SGCZ: variants seen among roughly 807,000 people sequenced by gnomAD.
The protein encoded by SGCZ is sarcoglycan zeta.
SGCZ carries 40 observed loss-of-function variants against 41.3 expected under a neutral mutation model. The ratio of observed to expected loss-of-function variants is 0.97; its 90% CI spans 0.75 to 1.26. The LOEUF (loss-of-function observed/expected upper bound fraction) is 1.26, where lower values mean the gene tolerates loss of function less well. Among genes scored for constraint, SGCZ ranks in the 50% most tolerant of loss-of-function variants. The pLI is 0.00. For missense variants in SGCZ, 552 were observed against 369.8 expected (o/e 1.49, Z -4.04); for synonymous variants, 206 against 137.5 (o/e 1.50, Z -3.49).
chr8:14,994,652 G>C (rs563800986), intron 1 of SGCZ, among the ~76,000 whole-genome samples: 1 of 145,208 alleles, frequency 6.9e-6, no homozygotes, highest in Non-Finnish European at 1.5e-5. Context: ...GATTAGGGGC[G>C]TGTGTGTATG....
At chr8:15,235,039 A>G (rs1802077452) in intron 1 of SGCZ, among the ~76,000 whole-genome samples, 2 of 152,198 alleles carry the variant, frequency 1.3e-5, no homozygotes, top group South Asian at 4.1e-4. Flanking sequence ...ATGATAAGAA[A>G]AGTCAAAACA....
chr8:14,265,662 C>T (rs1447616268), intron 3 of SGCZ, among the ~76,000 whole-genome samples: 1 of 151,548 alleles, frequency 6.6e-6, no homozygotes, highest in African/African-American at 2.4e-5. Context: ...GCAAACTGCA[C>T]CCTTTGTTTC....
intron 1 of SGCZ, among the ~76,000 whole-genome samples, chr8:14,876,640 A>T (rs1804367030): frequency 6.6e-6 from 1 of 152,218 alleles, no homozygotes; most frequent in Non-Finnish European, 1.5e-5. Context: ...AGGGTCACTT[A>T]AAGTAACTTT....
intron 1 of SGCZ, among the ~76,000 whole-genome samples, chr8:14,654,592 GAC>G (rs1019317157): frequency 6.6e-6 from 1 of 151,880 alleles, no homozygotes; most frequent in African/African-American, 2.4e-5. Flanking sequence ...TTTGTTTTGA[GAC>G]AGAGTCTCGC....
Position 14,554,750 on chromosome 8 carries a change from T to C in SGCZ, c.216A>G (p.Lys72=), listed in dbSNP as rs771647657. The change falls in exon 2 of 8, where the codon AAA becomes AAG. Residue 72 remains lysine (K), a synonymous_variant. Transcript: ENST00000382080. ...TACTTACCACAGTGAAATTCATAAC[T>C]TTCAATATCCATATTGTCATGGCTA... is the stretch of plus-strand genomic sequence containing the variant. The part of the protein sequence containing the change: ...VNLAMTIWIL[K]VMNFTVDGMG... 5 of 1,612,662 alleles carry C rather than the reference T, an allele frequency of 3.1e-6. No individual in the cohort carries two copies. In the Admixed American group the frequency reaches 6.7e-5, roughly 22 times the overall value.
intron 1 of SGCZ, among the ~76,000 whole-genome samples, chr8:14,810,751 A>G (rs1031055): frequency 0.67 from 101,841 of 151,210 alleles, 34,374 homozygotes; most frequent in East Asian, 0.79. Flanking sequence ...GTATTTTCAC[A>G]ACAGAAATTG....
intron 3 of SGCZ, among the ~76,000 whole-genome samples, chr8:14,320,739 G>T (rs1585359664): frequency 1.3e-5 from 2 of 152,136 alleles, no homozygotes; most frequent in East Asian, 3.9e-4. Context: ...TCTGGTAGTA[G>T]TTCCTCTGTC....
chr8:14,990,662 T>G (rs1413307218), intron 1 of SGCZ, among the ~76,000 whole-genome samples: 2 of 151,948 alleles, frequency 1.3e-5, no homozygotes, highest in African/African-American at 4.8e-5. Flanking sequence ...TTTTGGAGAG[T>G]TGTATAATTA....
At chr8:14,332,226 G>C (rs183893265) in intron 2 of SGCZ, among the ~76,000 whole-genome samples, 3 of 152,124 alleles carry the variant, frequency 2.0e-5, no homozygotes, top group South Asian at 2.1e-4. Flanking sequence ...ACGAGTTCAG[G>C]AGATCGAGAC....
intron 2 of SGCZ, among the ~76,000 whole-genome samples, chr8:14,546,184 G>T (rs1343671260): frequency 6.6e-6 from 1 of 152,076 alleles, no homozygotes; most frequent in Non-Finnish European, 1.5e-5. Flanking sequence ...CACACTGAGG[G>T]GCAGTGCGGT....
At chr8:14,691,786 A>G (rs992617948) in intron 1 of SGCZ, among the ~76,000 whole-genome samples, 4 of 151,542 alleles carry the variant, frequency 2.6e-5, no homozygotes, top group Admixed American at 6.6e-5. Context: ...AAAAACTGCA[A>G]TAAAATTTTT....
intron 2 of SGCZ, among the ~76,000 whole-genome samples, chr8:14,381,259 C>A (rs1400047105): frequency 6.6e-6 from 1 of 152,180 alleles, no homozygotes; most frequent in African/African-American, 2.4e-5. Flanking sequence ...ATATATAATT[C>A]AATCCTTAGC....
chr8:14,555,137 G>C (rs550730412), intron 1 of SGCZ, among the ~76,000 whole-genome samples: 2 of 151,994 alleles, frequency 1.3e-5, no homozygotes, highest in South Asian at 2.1e-4. Context: ...TTAATTCATT[G>C]TTATATCCAC....
chr8:15,030,645 G>C (rs899667273), intron 1 of SGCZ, among the ~76,000 whole-genome samples: 2 of 152,162 alleles, frequency 1.3e-5, no homozygotes, highest in Non-Finnish European at 2.9e-5. Context: ...GCGCACAAGG[G>C]ATGATTCCAG....
intron 2 of SGCZ, among the ~76,000 whole-genome samples, chr8:14,478,656 G>A (rs956749495): frequency 6.6e-6 from 1 of 152,146 alleles, no homozygotes; most frequent in Admixed American, 6.5e-5. Context: ...TTAAAATAGA[G>A]TAACTAAGAG....
At chr8:14,096,462 A>G (rs1170118536) in intron 7 of SGCZ, among the ~76,000 whole-genome samples, 1 of 152,136 alleles carries the variant, frequency 6.6e-6, no homozygotes, top group African/African-American at 2.4e-5. Flanking sequence ...AGCCAACTTG[A>G]TCGTGGTGGA....
chr8:14,632,838 A>G (rs1034532520), intron 1 of SGCZ, among the ~76,000 whole-genome samples: 2 of 152,092 alleles, frequency 1.3e-5, no homozygotes, highest in Admixed American at 1.3e-4. Flanking sequence ...TGCATAGAGG[A>G]AATAGAAATA....
intron 5 of SGCZ, among the ~76,000 whole-genome samples, chr8:14,145,092 C>G (rs1448243806): frequency 6.6e-6 from 1 of 152,150 alleles, no homozygotes; most frequent in Non-Finnish European, 1.5e-5. Context: ...GCCTGGCTGG[C>G]TTTGCCAATG....
At chr8:14,380,130 A>G (rs1804304821) in intron 2 of SGCZ, among the ~76,000 whole-genome samples, 1 of 152,204 alleles carries the variant, frequency 6.6e-6, no homozygotes, top group East Asian at 1.9e-4. Flanking sequence ...ATATTATTTT[A>G]GTGGGGCATG....
Sources: gnomAD v4.1 joint callset for allele counts (sites outside exome capture counted in the v4.1 genomes callset) on GRCh38, gnomAD v4.1.1 for gene constraint, MANE v1.5 for transcripts, NCBI Gene and HGNC (gene_info 2026-07-23, HGNC 2026-07-21) for gene names.